Variants in SLCO3A1 observed in about 807,000 individuals in gnomAD.
SLCO3A1 encodes the protein PGE1 transporter.
In SLCO3A1, 27 loss-of-function variants were observed where a neutral mutation model predicts 63.1. The ratio of observed to expected loss-of-function variants is 0.43; its 90% CI spans 0.32 to 0.59. The LOEUF (loss-of-function observed/expected upper bound fraction) is 0.59. Ranked by LOEUF, SLCO3A1 falls within the 20% of genes least tolerant of loss-of-function variation. SLCO3A1 has a pLI of 0.09. For missense variants in SLCO3A1, 773 were observed against 945.8 expected (o/e 0.82, Z 2.40); for synonymous variants, 473 against 409.9 (o/e 1.15, Z -1.86).
chr15:92,084,113 A>G (rs1383269020), intron 2 of SLCO3A1, among the ~76,000 whole-genome samples: 1 of 152,236 alleles, frequency 6.6e-6, no homozygotes, highest in Non-Finnish European at 1.5e-5. Context: ...ACATGGTTCC[A>G]GGAATGATAA....
At chr15:91,965,929 T>A (rs1900643267) in intron 2 of SLCO3A1, among the ~76,000 whole-genome samples, 1 of 152,074 alleles carries the variant, frequency 6.6e-6, no homozygotes, top group African/African-American at 2.4e-5. Flanking sequence ...GGAGAGAAAC[T>A]CAAATAGGAG....
chr15:91,916,257 G>T lies in SLCO3A1; in HGVS notation c.445G>T (p.Val149Phe), dbSNP rs1198179473. ...CCGCTGGGGCGCCGAGGGCCGCGAC[G>T]TCTGCGCAGCCAACGGCTCGGGCGG... ...EIRWGAEGRD[V>F]CAANGSGGDE... is the part of the protein sequence containing the mutation. Residue 149 changes from valine (V) to phenylalanine (F), a missense_variant, in exon 2 of 10, where the codon GTC becomes TTC. This residue lies in a region of SLCO3A1 where 565 missense variants were observed against 749.8 expected (regional missense o/e 0.75). Coordinates refer to ENST00000318445, the MANE Select transcript of SLCO3A1 (RefSeq NM_013272.4). The surrounding 1 kb of genome is among the most constrained non-coding windows in gnomAD (Gnocchi z 6.2). 1 of 1,568,112 alleles carries T rather than the reference G, an allele frequency of 6.4e-7. No individual in the cohort carries two copies. The highest frequency in any genetic ancestry group is 8.6e-7 in the Non-Finnish European group (1 of 1,156,954).
chr15:92,117,130 T>C (rs2047804911), intron 4 of SLCO3A1, among the ~76,000 whole-genome samples: 3 of 152,254 alleles, frequency 2.0e-5, no homozygotes, highest in Admixed American at 2.0e-4. Context: ...AAGCATTCCA[T>C]TAACCGGAGT....
intron 7 of SLCO3A1, among the ~76,000 whole-genome samples, chr15:92,146,149 C>T (rs1258513283): frequency 6.6e-6 from 1 of 152,152 alleles, no homozygotes; most frequent in Non-Finnish European, 1.5e-5. Flanking sequence ...GGCCTCTGCA[C>T]TATTATTATG....
At chr15:91,965,420 C>A (rs1257264524) in intron 2 of SLCO3A1, among the ~76,000 whole-genome samples, 1 of 152,202 alleles carries the variant, frequency 6.6e-6, no homozygotes, top group Non-Finnish European at 1.5e-5. Context: ...CCTGACAGGT[C>A]CAAATAAATA....
chr15:91,955,699 G>T lies in SLCO3A1; in HGVS notation c.646+39241G>T, dbSNP rs565580982. 5.3e-5 allele frequency among the ~76,000 whole-genome samples: 8 copies of T among 152,292 alleles called. No individual in the cohort carries two copies. In the East Asian group the frequency reaches 1.5e-3, roughly 29 times the overall value. Reference sequence around the variant, plus strand: ...TATCCCTAGGCTGAACACATAGTAGGAGCTCATTAGAAATTTGACACATGA... The same window carrying T: ...TATCCCTAGGCTGAACACATAGTAGTAGCTCATTAGAAATTTGACACATGA... On this transcript the variant is annotated intron_variant, in intron 2 of 9. Transcript: ENST00000318445.
At chr15:92,042,065 C>G (rs1348267948) in intron 2 of SLCO3A1, among the ~76,000 whole-genome samples, 1 of 152,048 alleles carries the variant, frequency 6.6e-6, no homozygotes, top group Non-Finnish European at 1.5e-5. Flanking sequence ...CAGATGAGCC[C>G]CATGTGACTC....
At chr15:91,866,815 C>T (rs1263487372) in intron 1 of SLCO3A1, among the ~76,000 whole-genome samples, 7 of 152,086 alleles carry the variant, frequency 4.6e-5, no homozygotes, top group African/African-American at 1.7e-4. Flanking sequence ...CTGGAAGCCT[C>T]ATGTCTGGTC....
intron 4 of SLCO3A1, among the ~76,000 whole-genome samples, chr15:92,111,657 C>T (rs1282699897): frequency 1.3e-5 from 2 of 152,124 alleles, no homozygotes; most frequent in Non-Finnish European, 2.9e-5. Flanking sequence ...GGGATAGGTC[C>T]ATAGATAAGC....
intron 2 of SLCO3A1, among the ~76,000 whole-genome samples, chr15:92,055,095 A>G (rs2047005910): frequency 6.6e-6 from 1 of 152,206 alleles, no homozygotes; most frequent in Non-Finnish European, 1.5e-5. Flanking sequence ...CTATTCCTGC[A>G]CAGCCTTGCC....
rs200401809 is a variant in SLCO3A1, at chr15:92,161,329, A to T, written c.1754-1427A>T. The stretch of plus-strand genomic sequence containing the variant: ...GTGCTGAGGACTGTGCTGCACACCA[A>T]ATGCTCTGATTTCAGTGGTCTGGGA... On this transcript the variant is annotated intron_variant, in intron 9 of 9. Coordinates refer to ENST00000318445, the MANE Select transcript of SLCO3A1 (RefSeq NM_013272.4). Among the ~76,000 whole-genome samples, 3 of 152,314 alleles carry T rather than the reference A, an allele frequency of 2.0e-5. No individual in the cohort carries two copies. The East Asian group carries it at 5.8e-4, about 29-fold the overall frequency.
chr15:92,026,469 C>A (rs1353739076), intron 2 of SLCO3A1, among the ~76,000 whole-genome samples: 1 of 152,146 alleles, frequency 6.6e-6, no homozygotes, highest in Non-Finnish European at 1.5e-5. Flanking sequence ...ATTTTTCCTA[C>A]TGAGTAGAAT....
At chr15:92,025,570 T>C (rs1325243444) in intron 2 of SLCO3A1, among the ~76,000 whole-genome samples, 1 of 152,226 alleles carries the variant, frequency 6.6e-6, no homozygotes, top group Admixed American at 6.5e-5. Flanking sequence ...CACTTTCCAT[T>C]CTTGCTTTCT....
intron 4 of SLCO3A1, 130 bp from the exon 5 acceptor site, chr15:92,120,335 G>A: frequency 1.2e-6 from 1 of 850,330 alleles, no homozygotes; most frequent in Non-Finnish European, 1.8e-6. Context: ...TAGCAACTGG[G>A]TACCTCTGGA....
Position 91,970,851 on chromosome 15 carries a change from GCTA to G in SLCO3A1, c.646+54397_646+54399del, listed in dbSNP as rs557848810. Among the ~76,000 whole-genome samples the G allele has an allele frequency of 3.5e-3, 540 of 152,212 alleles. 1 individual carries two copies. Among genetic ancestry groups the G allele is most frequent in the Non-Finnish European group, 5.7e-3 (390 of 68,010 alleles). On this transcript the variant is annotated intron_variant, in intron 2 of 9. Transcript: ENST00000318445. ...TACAAGGGGCGTCTGCCGTCCTCAT[GCTA>G]CTAATGCCCAACCAGATGAAGGGTG...
At chr15:91,877,750 G>GT (rs1024994339) in intron 1 of SLCO3A1, among the ~76,000 whole-genome samples, 2 of 151,912 alleles carry the variant, frequency 1.3e-5, no homozygotes, top group Non-Finnish European at 2.9e-5. Context: ...GGAGTTACAG[G>GT]TTTTTGCAAA....
intron 2 of SLCO3A1, among the ~76,000 whole-genome samples, chr15:92,058,102 A>G (rs569874263): frequency 5.4e-4 from 82 of 152,056 alleles, no homozygotes; most frequent in African/African-American, 1.6e-3. Flanking sequence ...CATCATCACT[A>G]TTGATTAAAT....
chr15:92,002,519 A>C (rs1467411819), intron 2 of SLCO3A1, among the ~76,000 whole-genome samples: 1 of 152,206 alleles, frequency 6.6e-6, no homozygotes, highest in Non-Finnish European at 1.5e-5. Context: ...TAAGAAAAAA[A>C]ATTATTAACA....
At chr15:92,042,865 G>GGGTGTCA (rs2046816265) in intron 2 of SLCO3A1, among the ~76,000 whole-genome samples, 1 of 152,140 alleles carries the variant, frequency 6.6e-6, no homozygotes, top group African/African-American at 2.4e-5. Flanking sequence ...TCCACCCCTA[G>GGGTGTCA]GGTGTCAGGT....
Sources: allele counts gnomAD v4.1 joint callset (sites outside exome capture counted in the v4.1 genomes callset), GRCh38; gene constraint gnomAD v4.1.1; regional missense constraint gnomAD v4.1.1; non-coding constraint Gnocchi (gnomAD v3.1); transcripts MANE v1.5; gene names NCBI Gene and HGNC (gene_info 2026-07-23, HGNC 2026-07-21).